The following CNBD1 variants were observed in gnomAD, a reference collection of about 807,000 sequenced individuals.
CNBD1 encodes the protein cyclic nucleotide-binding domain-containing protein 1.
CNBD1 carries 71 observed loss-of-function variants against 54.4 expected under a neutral mutation model. The observed-to-expected ratio is 1.30, with a 90% CI of 1.08 to 1.59. The LOEUF is 1.59. Among genes scored for constraint, CNBD1 ranks in the 40% most tolerant of loss-of-function variants. CNBD1 has a pLI of 0.00. For missense variants in CNBD1, 659 were observed against 518.0 expected, an observed-to-expected ratio of 1.27 and a Z score of -2.64; for synonymous variants, 182 against 170.7, an observed-to-expected ratio of 1.07 and a Z score of -0.51.
rs531695972 is a variant in CNBD1 at position 87,375,100 on chromosome 8, A to G, written c.1304-7520A>G. On this transcript the variant is annotated intron_variant, in intron 10 of 10. Coordinates refer to ENST00000518476, the MANE Select transcript of CNBD1 (RefSeq NM_173538.3). ...ATACAGTACATTTAGAAATGAAAAT[A>G]TATGTGCATAAAGAAGATATACACT... is the stretch of plus-strand genomic sequence containing the variant. Among the ~76,000 whole-genome samples the G allele has an allele frequency of 3.9e-5, 6 of 152,078 alleles. No homozygotes were observed. The East Asian group carries it at 7.8e-4, about 20-fold the overall frequency.
intron 4 of CNBD1, among the ~76,000 whole-genome samples, chr8:87,186,979 T>C (rs891649761): frequency 6.6e-6 from 1 of 152,114 alleles, no homozygotes; most frequent in African/African-American, 2.4e-5. Context: ...TATCATTGAT[T>C]TGATAAATCA....
At chr8:87,080,445 G>C (rs947849868) in intron 4 of CNBD1, among the ~76,000 whole-genome samples, 1 of 152,036 alleles carries the variant, frequency 6.6e-6, no homozygotes, top group Non-Finnish European at 1.5e-5. Flanking sequence ...AGCTGGGCGT[G>C]GTGGCACACA....
At chr8:87,300,626 A>G (rs921495572) in intron 8 of CNBD1, among the ~76,000 whole-genome samples, 1 of 152,078 alleles carries the variant, frequency 6.6e-6, no homozygotes, top group African/African-American at 2.4e-5. Context: ...ATGGAGTCAG[A>G]CACAATGGAT....
At chr8:87,410,986 G>C (rs79597124) in intron 2 of CNBD1, among the ~76,000 whole-genome samples, 2 of 151,958 alleles carry the variant, frequency 1.3e-5, no homozygotes, top group African/African-American at 2.4e-5. Flanking sequence ...TAGATATACT[G>C]CTATTGCACT....
At chr8:86,963,646 C>T (rs184409306) in intron 4 of CNBD1, among the ~76,000 whole-genome samples, 24 of 152,246 alleles carry the variant, frequency 1.6e-4, no homozygotes, top group African/African-American at 5.3e-4. Flanking sequence ...ACGAAGGTGA[C>T]AACTAAGAGA....
chr8:87,268,962 A>G (rs145376479), intron 6 of CNBD1, among the ~76,000 whole-genome samples: 105 of 152,126 alleles, frequency 6.9e-4, no homozygotes, highest in African/African-American at 2.4e-3. Flanking sequence ...TTTTGTTGCA[A>G]TTACCTTTGG....
intron 2 of CNBD1, among the ~76,000 whole-genome samples, chr8:87,389,114 G>T (rs1811254258): frequency 6.6e-6 from 1 of 152,092 alleles, no homozygotes. Context: ...AATTATAAGA[G>T]CTATTTATGA....
At chr8:87,185,355 T>C (rs1025890599) in intron 4 of CNBD1, among the ~76,000 whole-genome samples, 1 of 152,222 alleles carries the variant, frequency 6.6e-6, no homozygotes, top group Admixed American at 6.5e-5. Flanking sequence ...ATTTACTTCT[T>C]CGCGTAGTAA....
At chr8:86,894,701 A>C (rs951199149) in intron 2 of CNBD1, among the ~76,000 whole-genome samples, 10 of 151,932 alleles carry the variant, frequency 6.6e-5, no homozygotes, top group African/African-American at 2.4e-4. Context: ...CCTTCTCCCT[A>C]TCCTCAACCC....
chr8:87,311,586 A>C (rs1809267443), intron 8 of CNBD1, among the ~76,000 whole-genome samples: 1 of 152,082 alleles, frequency 6.6e-6, no homozygotes, highest in South Asian at 2.1e-4. Context: ...CCAACAATCC[A>C]ATTATTGAGT....
At chr8:86,875,327 AC>A (rs1283275562) in intron 1 of CNBD1, among the ~76,000 whole-genome samples, 2 of 151,738 alleles carry the variant, frequency 1.3e-5, no homozygotes, top group Non-Finnish European at 2.9e-5. Context: ...TGCCCTCCAC[AC>A]CCTGGTCTTG....
chr8:87,081,033 T>A (rs1182375382), intron 4 of CNBD1, among the ~76,000 whole-genome samples: 2 of 152,074 alleles, frequency 1.3e-5, no homozygotes, highest in African/African-American at 4.8e-5. Context: ...TATTTTCTTC[T>A]TTCCTCTTGT....
intron 2 of CNBD1, among the ~76,000 whole-genome samples, chr8:87,423,066 C>T (rs994908375): frequency 1.6e-4 from 24 of 151,710 alleles, no homozygotes; most frequent in Middle Eastern, 3.4e-3. Context: ...CATGATTTGG[C>T]TCTCTGTTTG....
At chr8:87,190,979 T>C (rs114179956) in intron 4 of CNBD1, among the ~76,000 whole-genome samples, 2,547 of 144,178 alleles carry the variant, frequency 0.018, 98 homozygotes, top group African/African-American at 0.062. Context: ...GATATATATA[T>C]GTATCTAATG....
intron 9 of CNBD1, among the ~76,000 whole-genome samples, chr8:87,352,954 C>A (rs916032009): frequency 1.5e-4 from 23 of 152,214 alleles, no homozygotes; most frequent in Middle Eastern, 3.4e-3. Flanking sequence ...ACTTTCCTAC[C>A]TGAGGGCTAT....
chr8:87,355,561 G>A (rs1033597475), intron 10 of CNBD1, among the ~76,000 whole-genome samples: 3 of 152,094 alleles, frequency 2.0e-5, no homozygotes, highest in African/African-American at 7.2e-5. Context: ...TGAGTATGAA[G>A]GAGAAATGAA....
At chr8:87,264,045 G>A (rs895767144) in intron 6 of CNBD1, among the ~76,000 whole-genome samples, 6 of 151,788 alleles carry the variant, frequency 4.0e-5, no homozygotes, top group African/African-American at 9.7e-5. Context: ...TGTGCACAAC[G>A]TGCAGGTTTG....
chr8:87,402,258 CATGTGGAGATT>C (rs1563588271), intron 2 of CNBD1, among the ~76,000 whole-genome samples: 2 of 151,948 alleles, frequency 1.3e-5, no homozygotes, highest in East Asian at 3.9e-4. Context: ...CCTCCCAAAA[CATGTGGAGATT>C]ATGGGAGCTA....
chr8:87,095,681 G>A (rs1050531511), intron 4 of CNBD1, among the ~76,000 whole-genome samples: 3 of 151,726 alleles, frequency 2.0e-5, no homozygotes, highest in African/African-American at 4.8e-5. Flanking sequence ...TTTTTGAGAC[G>A]GAGTCTCGCT....
Sources: allele counts gnomAD v4.1 joint callset (sites outside exome capture counted in the v4.1 genomes callset), GRCh38; gene constraint gnomAD v4.1.1; transcripts MANE v1.5; gene names NCBI Gene and HGNC (gene_info 2026-07-23, HGNC 2026-07-21).